Variants in KCNQ1 observed in about 807,000 individuals in gnomAD.
The protein encoded by KCNQ1 is potassium voltage-gated channel subfamily KQT member 1.
A neutral mutation model predicts 72.4 loss-of-function variants in KCNQ1; 49 were observed. The ratio of observed to expected loss-of-function variants is 0.68; its 90% CI spans 0.54 to 0.86. KCNQ1 has a LOEUF of 0.86. Among genes scored for constraint, KCNQ1 ranks in the 40% least tolerant of loss-of-function variants. The pLI, the probability that KCNQ1 is intolerant of heterozygous loss-of-function variation, is 0.00. For synonymous variants in KCNQ1, 450 were observed against 412.6 expected, an observed-to-expected ratio of 1.09 and a Z score of -1.10; for missense variants, 790 against 945.1, an observed-to-expected ratio of 0.84 and a Z score of 2.15.
At position 2,572,944 on chromosome 11, in the gene KCNQ1, C is replaced by T. The variant is rs181106858; in HGVS notation, c.879C>T (p.Arg293=). ...AGGACGCGGTGAACGAGTCAGGCCG[C>T]GTGGAGTTCGGCAGCTACGCAGATG... ...AEKDAVNESG[R]VEFGSYADAL... The change falls in exon 6 of 16, where the codon CGC becomes CGT. Residue 293 remains arginine, a synonymous_variant. Transcript: ENST00000155840. The T allele has an allele frequency of 8.1e-6, 13 of 1,613,694 alleles. No homozygotes were observed. The highest frequency in any genetic ancestry group is 2.2e-5 in the East Asian group (1 of 44,890).
rs1850128250 is a variant in KCNQ1, at chr11:2,668,717, C to T, written c.1514+6636C>T. The T allele has an allele frequency of 2.5e-6, 1 of 398,644 alleles. No individual in the cohort carries two copies. 24.7% of individuals were successfully genotyped at this position (398,644 alleles called of 1,614,324 possible). A position where few individuals can be genotyped will look rare whatever the true frequency, so the allele number is the denominator to read the frequency against. On this transcript the variant is annotated intron_variant, in intron 11 of 15. Coordinates refer to ENST00000155840, the MANE Select transcript of KCNQ1 (RefSeq NM_000218.3). The surrounding 1 kb of genome is among the most constrained non-coding windows in gnomAD (Gnocchi z 4.3). Reference sequence around the variant, plus strand: ...ACACTCACACTCTCTCACAGACACACACATTGCAAATATCGCCTCCCCCTC... The same window carrying T: ...ACACTCACACTCTCTCACAGACACATACATTGCAAATATCGCCTCCCCCTC...
intron 6 of KCNQ1, among the ~76,000 whole-genome samples, chr11:2,575,223 C>T (rs568322769): frequency 2.0e-4 from 30 of 152,336 alleles, no homozygotes; most frequent in Admixed American, 8.5e-4. Flanking sequence ...AACATCCGCC[C>T]GCTGGCCGGG....
chr11:2,612,383 T>C lies in KCNQ1; in HGVS notation c.1393+23529T>C, dbSNP rs952417732. The C allele has an allele frequency of 2.5e-6, 1 of 398,508 alleles. No individual in the cohort carries two copies. Among genetic ancestry groups the C allele is most frequent in the African/African-American group, 2.1e-5 (1 of 48,638 alleles). 24.7% of individuals were successfully genotyped at this position (398,508 alleles called of 1,614,324 possible). On this transcript the variant is annotated intron_variant, in intron 10 of 15. Coordinates refer to ENST00000155840, the MANE Select transcript of KCNQ1 (RefSeq NM_000218.3). This position sits in a 1 kb window ranked among gnomAD's most constrained non-coding sequence, Gnocchi z 5.5. ...AAACTGGTCCCTCATGCCAAAAAGG[T>C]TGGGGACCACTATATTATGGTATCC...
intron 11 of KCNQ1, among the ~76,000 whole-genome samples, chr11:2,718,905 C>T (rs1309718525): frequency 6.6e-6 from 1 of 152,238 alleles, no homozygotes; most frequent in Non-Finnish European, 1.5e-5. Context: ...CTGCCATGCA[C>T]CTTAAGGTCA....
In KCNQ1 at chr11:2,579,750, C is replaced by T. The variant is rs1848471899; in HGVS notation, c.922-3685C>T. Among the ~76,000 whole-genome samples, 1 of 152,152 alleles carries T rather than the reference C, an allele frequency of 6.6e-6. No individual in the cohort carries two copies. The highest frequency in any genetic ancestry group is 2.1e-4 in the South Asian group (1 of 4,816). On this transcript the variant is annotated intron_variant, in intron 6 of 15. Coordinates refer to ENST00000155840, the MANE Select transcript of KCNQ1 (RefSeq NM_000218.3). This position sits in a 1 kb window ranked among gnomAD's most constrained non-coding sequence, Gnocchi z 6.0. Reference sequence around the variant, plus strand: ...GCTGGCCTTTCTCTCCCTCTCGGGGCACCCCTGCCTTCTACTGACCACCCA... The same window carrying T: ...GCTGGCCTTTCTCTCCCTCTCGGGGTACCCCTGCCTTCTACTGACCACCCA...
chr11:2,683,980 A>G lies in KCNQ1; in HGVS notation c.1514+21899A>G. On this transcript the variant is annotated intron_variant, in intron 11 of 15. Transcript: ENST00000155840. This position sits in a 1 kb window ranked among gnomAD's most constrained non-coding sequence, Gnocchi z 4.7. ...TTTTACTTTTTTTTTTTTTTCATTT[A>G]GAAGAATTTCCTTGGCAACTCCGTC... 1 of 395,828 alleles carries G rather than the reference A, an allele frequency of 2.5e-6. No individual in the cohort carries two copies. Among genetic ancestry groups the G allele is most frequent in the Admixed American group, 4.4e-5 (1 of 22,524 alleles). 24.5% of individuals were successfully genotyped at this position (395,828 alleles called of 1,614,324 possible). A position where few individuals can be genotyped will look rare whatever the true frequency, so the allele number is the denominator to read the frequency against.
In KCNQ1 at chr11:2,704,904, G is replaced by A. The variant is rs562862066; in HGVS notation, c.1514+42823G>A. Among the ~76,000 whole-genome samples the A allele has an allele frequency of 1.3e-5, 2 of 152,302 alleles. No homozygotes were observed. Among genetic ancestry groups the A allele is most frequent in the East Asian group, 1.9e-4 (1 of 5,186 alleles). ...TTTCTGAAGATCTGGCTTGGATATA[G>A]TGGGGTCAGACCCTATCCCTCCACC... On this transcript the variant is annotated intron_variant, in intron 11 of 15. Coordinates refer to ENST00000155840, the MANE Select transcript of KCNQ1 (RefSeq NM_000218.3). The surrounding 1 kb of genome is among the most constrained non-coding windows in gnomAD (Gnocchi z 4.3).
intron 10 of KCNQ1, chr11:2,630,502 T>C: frequency 5.0e-6 from 2 of 398,398 alleles, no homozygotes. Flanking sequence ...CATTTTATTT[T>C]TGATGCCCCA....
intron 12 of KCNQ1, among the ~76,000 whole-genome samples, chr11:2,771,737 CAG>C (rs371076142): frequency 1.3e-4 from 20 of 149,970 alleles, no homozygotes; most frequent in Non-Finnish European, 1.2e-4. Context: ...GGGAGAGGGA[CAG>C]AGAGAGAGAG....
Position 2,608,651 on chromosome 11 carries a change from A to G in KCNQ1, c.1393+19797A>G. Reference sequence around the variant, plus strand: ...GTTATTCAAAAAATATTTTGTAGAGATAGGGTCTTGCTTTGTTGTGCATGC... The same window carrying G: ...GTTATTCAAAAAATATTTTGTAGAGGTAGGGTCTTGCTTTGTTGTGCATGC... On this transcript the variant is annotated intron_variant, in intron 10 of 15. Coordinates refer to ENST00000155840, the MANE Select transcript of KCNQ1 (RefSeq NM_000218.3). This position sits in a 1 kb window ranked among gnomAD's most constrained non-coding sequence, Gnocchi z 4.6. 1 of 398,544 alleles carries G rather than the reference A, an allele frequency of 2.5e-6. No individual in the cohort carries two copies. The highest frequency in any genetic ancestry group is 4.4e-6 in the Non-Finnish European group (1 of 226,056). The allele number at this position is 398,544 out of a possible 1,614,324, so 24.7% of individuals were successfully genotyped here. A position where few individuals can be genotyped will look rare whatever the true frequency, so the allele number is the denominator to read the frequency against.
intron 15 of KCNQ1, among the ~76,000 whole-genome samples, chr11:2,790,819 G>C (rs898626468): frequency 1.3e-5 from 2 of 152,192 alleles, no homozygotes; most frequent in African/African-American, 4.8e-5. Context: ...GCATGAGGAT[G>C]GCATCAGGGG....
At chr11:2,742,014 T>C (rs1846062028) in intron 11 of KCNQ1, among the ~76,000 whole-genome samples, 1 of 152,256 alleles carries the variant, frequency 6.6e-6, no homozygotes, top group Admixed American at 6.5e-5. Context: ...CTCATGTATA[T>C]GAGTCAGCGT....
At chr11:2,560,941 G>C (rs1049826890) in intron 2 of KCNQ1, among the ~76,000 whole-genome samples, 2 of 152,098 alleles carry the variant, frequency 1.3e-5, no homozygotes, top group Admixed American at 6.5e-5. Context: ...GAACTCCCAG[G>C]CCTGTAATCC....
rs1846587204 is a variant in KCNQ1 at position 2,477,403 on chromosome 11, T to C, written c.386+31919T>C. 6.6e-6 allele frequency among the ~76,000 whole-genome samples: 1 copy of C among 152,212 alleles called. No homozygotes were observed. The highest frequency in any genetic ancestry group is 2.1e-4 in the South Asian group (1 of 4,830). ...GACCTAGGTTCTTCCCACCATTGAA[T>C]TAGGATGCCGTCTGCTACTGAGAGA... On this transcript the variant is annotated intron_variant, in intron 1 of 15. Transcript: ENST00000155840. This position sits in a 1 kb window ranked among gnomAD's most constrained non-coding sequence, Gnocchi z 5.0.
rs1334213774 is a variant in KCNQ1 at position 2,782,181 on chromosome 11, C to T, written c.1794+4144C>T. Among the ~76,000 whole-genome samples, 1 of 152,162 alleles carries T rather than the reference C, an allele frequency of 6.6e-6. No individual in the cohort carries two copies. Among genetic ancestry groups the T allele is most frequent in the African/African-American group, 2.4e-5 (1 of 41,434 alleles). On this transcript the variant is annotated intron_variant, in intron 15 of 15. Coordinates refer to ENST00000155840, the MANE Select transcript of KCNQ1 (RefSeq NM_000218.3). The surrounding 1 kb of genome is among the most constrained non-coding windows in gnomAD (Gnocchi z 6.1). ...CCCCCAGAGCCGCCGTGCTGCTGTT[C>T]ATCCTCTCCCTTTAGCCCAACCCCT...
At chr11:2,594,903 A>G (rs184623952) in intron 10 of KCNQ1, among the ~76,000 whole-genome samples, 190 of 152,228 alleles carry the variant, frequency 1.2e-3, no homozygotes, top group African/African-American at 4.2e-3. Flanking sequence ...CTTGCTCATG[A>G]TGGCTCATTT....
chr11:2,463,460 G>A lies in KCNQ1; in HGVS notation c.386+17976G>A, dbSNP rs1846307360. Among the ~76,000 whole-genome samples the A allele has an allele frequency of 6.6e-6, 1 of 152,200 alleles. No individual in the cohort carries two copies. Among genetic ancestry groups the A allele is most frequent in the Admixed American group, 6.5e-5 (1 of 15,288 alleles). ...GTTCTGGTTGTCCTTGGTGCAGGTG[G>A]CGGGCGGGGCTGGGGGGCTCTGTAG... On this transcript the variant is annotated intron_variant, in intron 1 of 15. Coordinates refer to ENST00000155840, the MANE Select transcript of KCNQ1 (RefSeq NM_000218.3). The surrounding 1 kb of genome is among the most constrained non-coding windows in gnomAD (Gnocchi z 7.0).
In KCNQ1 at chr11:2,803,250, C is replaced by G. The variant is rs988782686; in HGVS notation, c.1794+25213C>G. ...ACCCTGGGACTGTCTGGAGCATCCT[C>G]CCAAGGACTCGCCCCTAGTCAGGAA... is the stretch of plus-strand genomic sequence containing the variant. On this transcript the variant is annotated intron_variant, in intron 15 of 15. Transcript: ENST00000155840. The surrounding 1 kb of genome is among the most constrained non-coding windows in gnomAD (Gnocchi z 6.4). Among the ~76,000 whole-genome samples, 2 of 152,228 alleles carry G rather than the reference C, an allele frequency of 1.3e-5. No homozygotes were observed. The highest frequency in any genetic ancestry group is 2.9e-5 in the Non-Finnish European group (2 of 68,032).
intron 2 of KCNQ1, among the ~76,000 whole-genome samples, chr11:2,551,443 T>G (rs1361466603): frequency 6.6e-6 from 1 of 152,246 alleles, no homozygotes; most frequent in African/African-American, 2.4e-5. Flanking sequence ...ATTCAGCAGT[T>G]TGTCTCCTTT....
Sources: gnomAD v4.1 joint callset for allele counts (sites outside exome capture counted in the v4.1 genomes callset) on GRCh38, gnomAD v4.1.1 for gene constraint, Gnocchi (gnomAD v3.1) non-coding constraint, MANE v1.5 for transcripts, NCBI Gene and HGNC (gene_info 2026-07-23, HGNC 2026-07-21) for gene names.